Variants in BBS9 observed in about 807,000 individuals in gnomAD.
BBS9 encodes Bardet-Biedl syndrome 9.
A neutral mutation model predicts 117.7 loss-of-function variants in BBS9; 89 were observed. The observed-to-expected ratio is 0.76, with a 90% CI of 0.64 to 0.90. The LOEUF (loss-of-function observed/expected upper bound fraction) is 0.90. Ranked by LOEUF, BBS9 falls within the 40% of genes least tolerant of loss-of-function variation. The pLI is 0.00. For synonymous variants in BBS9, 379 were observed against 370.9 expected, an observed-to-expected ratio of 1.02 and a Z score of -0.25; for missense variants, 982 against 1,042.2, an observed-to-expected ratio of 0.94 and a Z score of 0.80.
intron 5 of BBS9, among the ~76,000 whole-genome samples, chr7:33,212,296 A>G (rs1027411951): frequency 6.6e-6 from 1 of 152,182 alleles, no homozygotes; most frequent in African/African-American, 2.4e-5. Flanking sequence ...CAAATAGGCT[A>G]TCTTCAAGCT....
chr7:33,268,404 C>T (rs1799180449), intron 7 of BBS9, among the ~76,000 whole-genome samples: 1 of 152,124 alleles, frequency 6.6e-6, no homozygotes, highest in South Asian at 2.1e-4. Flanking sequence ...ACAGAGTCTG[C>T]TGGGCTCTGC....
intron 14 of BBS9, chr7:33,351,539 T>G: frequency 1.8e-6 from 1 of 552,450 alleles, no homozygotes; most frequent in Non-Finnish European, 3.3e-6. Context: ...TTTGGTTCCC[T>G]CTTTTCAGTT....
chr7:33,328,620 G>C (rs141546779), intron 9 of BBS9, among the ~76,000 whole-genome samples: 2 of 152,090 alleles, frequency 1.3e-5, no homozygotes, highest in Non-Finnish European at 2.9e-5. Context: ...GATTTCCTTG[G>C]TATCTATATA....
At chr7:33,373,106 A>G (rs890113393) in intron 17 of BBS9, among the ~76,000 whole-genome samples, 1 of 151,206 alleles carries the variant, frequency 6.6e-6, no homozygotes. Context: ...GATCTTTTGT[A>G]TTGTTTTGAT....
intron 20 of BBS9, among the ~76,000 whole-genome samples, chr7:33,528,754 A>G (rs890844879): frequency 5.3e-5 from 8 of 152,360 alleles, no homozygotes; most frequent in South Asian, 2.1e-4. Flanking sequence ...GTGAAGGGGC[A>G]GATGAGGTGA....
intron 9 of BBS9, among the ~76,000 whole-genome samples, chr7:33,328,056 G>A (rs546061035): frequency 1.1e-4 from 17 of 152,274 alleles, no homozygotes; most frequent in African/African-American, 4.1e-4. Flanking sequence ...TACATGTCTG[G>A]CTGGAGATAT....
At chr7:33,622,414 T>G (rs1865453872) in intron 21 of BBS9, among the ~76,000 whole-genome samples, 1 of 152,154 alleles carries the variant, frequency 6.6e-6, no homozygotes, top group African/African-American at 2.4e-5. Context: ...TTAGTAATAA[T>G]GTATACTTGA....
At chr7:33,260,448 TA>T (rs754442028) in intron 6 of BBS9, among the ~76,000 whole-genome samples, 6 of 152,342 alleles carry the variant, frequency 3.9e-5, no homozygotes, top group African/African-American at 4.8e-5. Context: ...TATTACTGCC[TA>T]AAACACTGAT....
intron 19 of BBS9, among the ~76,000 whole-genome samples, chr7:33,485,873 C>T (rs977642084): frequency 6.6e-6 from 1 of 152,152 alleles, no homozygotes; most frequent in South Asian, 2.1e-4. Context: ...ATGGAGATAG[C>T]TGGTCACCTC....
chr7:33,478,655 ATTTG>A (rs1485639921), intron 19 of BBS9, among the ~76,000 whole-genome samples: 4 of 150,302 alleles, frequency 2.7e-5, no homozygotes, highest in Non-Finnish European at 4.4e-5. Context: ...TTTGTTAGCA[ATTTG>A]TTTGTAATTT....
chr7:33,476,881 G>A (rs1032255916), intron 19 of BBS9, among the ~76,000 whole-genome samples: 1 of 152,126 alleles, frequency 6.6e-6, no homozygotes, highest in Non-Finnish European at 1.5e-5. Context: ...AATTTATATT[G>A]TAATATATAT....
chr7:33,440,520 G>A (rs1464244397), intron 19 of BBS9, among the ~76,000 whole-genome samples: 1 of 152,146 alleles, frequency 6.6e-6, no homozygotes, highest in Non-Finnish European at 1.5e-5. Context: ...CTACTGTGTA[G>A]CACATGGAAG....
chr7:33,480,971 T>G (rs1842449083), intron 19 of BBS9, among the ~76,000 whole-genome samples: 1 of 152,014 alleles, frequency 6.6e-6, no homozygotes, highest in Admixed American at 6.6e-5. Flanking sequence ...CTTCACCTTC[T>G]GCCGTGATTG....
At chr7:33,269,122 T>C (rs1799322126) in intron 7 of BBS9, among the ~76,000 whole-genome samples, 1 of 152,242 alleles carries the variant, frequency 6.6e-6, no homozygotes. Flanking sequence ...AATATTTGCC[T>C]TTCTGGCCAG....
In BBS9 at chr7:33,258,955, C is replaced by T. The variant is rs186638937; in HGVS notation, c.617+1545C>T. ...TCTTTGTCTTAGACTAAAAAATGTA[C>T]ACGTTATGCATTATGTGGCTCATTT... On this transcript the variant is annotated intron_variant, in intron 6 of 22. Transcript: ENST00000242067. Among the ~76,000 whole-genome samples the T allele has an allele frequency of 9.2e-5, 14 of 152,194 alleles. No homozygotes were observed. In the East Asian group the frequency reaches 2.5e-3, roughly 27 times the overall value.
intron 9 of BBS9, among the ~76,000 whole-genome samples, chr7:33,306,682 A>T (rs188687176): frequency 1.8e-4 from 28 of 152,228 alleles, no homozygotes; most frequent in Admixed American, 1.2e-3. Context: ...GTAAGAGTAG[A>T]CGTACAAAAA....
At chr7:33,375,587 CTTTCTTTCT>C (rs1267019377) in intron 17 of BBS9, among the ~76,000 whole-genome samples, 1 of 145,966 alleles carries the variant, frequency 6.9e-6, no homozygotes, top group Non-Finnish European at 1.5e-5. Context: ...TTCTTTCTTT[CTTTCTTTCT>C]TTTTTTTTTT....
At chr7:33,266,552 T>G (rs1197643310) in intron 7 of BBS9, among the ~76,000 whole-genome samples, 2 of 152,200 alleles carry the variant, frequency 1.3e-5, no homozygotes, top group Non-Finnish European at 1.5e-5. Context: ...GTGTATTTTT[T>G]TTGTTGTTAG....
intron 19 of BBS9, among the ~76,000 whole-genome samples, chr7:33,452,357 T>A (rs1363379917): frequency 6.6e-6 from 1 of 152,196 alleles, no homozygotes; most frequent in Non-Finnish European, 1.5e-5. Flanking sequence ...GACACTCTCT[T>A]TTTCTGAAAT....
Sources: allele counts gnomAD v4.1 joint callset (sites outside exome capture counted in the v4.1 genomes callset), GRCh38; gene constraint gnomAD v4.1.1; transcripts MANE v1.5; gene names NCBI Gene and HGNC (gene_info 2026-07-23, HGNC 2026-07-21).